APCDD1L: variants seen among roughly 807,000 people sequenced by gnomAD.
APCDD1L encodes the protein APC down-regulated 1 like.
Under a neutral mutation model 24.2 loss-of-function variants are expected in APCDD1L, and 21 were observed. That is an observed-to-expected ratio of 0.87 (90% CI 0.61 to 1.25). APCDD1L has a LOEUF of 1.25. APCDD1L is among the 50% of genes most tolerant of loss of function. APCDD1L has a pLI of 0.00. For synonymous variants in APCDD1L, 321 were observed against 323.6 expected, an observed-to-expected ratio of 0.99 and a Z score of 0.09; for missense variants, 704 against 711.7, an observed-to-expected ratio of 0.99 and a Z score of 0.12.
intron 2 of APCDD1L, 109 bp downstream of exon 2, chr20:58,470,500 T>C: frequency 7.1e-7 from 1 of 1,411,908 alleles, no homozygotes; most frequent in Non-Finnish European, 9.4e-7. Context: ...GTAGAAGGCC[T>C]CTTGGATAAC....
At chr20:58,479,042 G>A (rs1025226647) in intron 1 of APCDD1L, among the ~76,000 whole-genome samples, 1 of 152,082 alleles carries the variant, frequency 6.6e-6, no homozygotes, top group Admixed American at 6.5e-5. Context: ...CCAGGATCCT[G>A]ACATGGTCCT....
Position 58,508,216 on chromosome 20 carries a change from G to A in APCDD1L, c.49+6443C>T, listed in dbSNP as rs1047959404. Among the ~76,000 whole-genome samples, 2 of 152,228 alleles carry A rather than the reference G, an allele frequency of 1.3e-5. No homozygotes were observed. Among genetic ancestry groups the A allele is most frequent in the African/African-American group, 4.8e-5 (2 of 41,454 alleles). ...ATGCATGCATATGGAGGTTGTGGTGGGAAGGAATGCAGCTGATGGACAGGC... is the reference window on the plus strand; with the variant it reads ...ATGCATGCATATGGAGGTTGTGGTGAGAAGGAATGCAGCTGATGGACAGGC... On this transcript the variant is annotated intron_variant, in intron 1 of 3. Transcript: ENST00000371149. This position sits in a 1 kb window ranked among gnomAD's most constrained non-coding sequence, Gnocchi z 4.0.
At chr20:58,495,487 C>T (rs534509262) in intron 1 of APCDD1L, among the ~76,000 whole-genome samples, 1 of 152,306 alleles carries the variant, frequency 6.6e-6, no homozygotes, top group South Asian at 2.1e-4. Context: ...GAGCTGCCTC[C>T]TTGAGCCCCA....
rs556093438 is a variant in APCDD1L, at chr20:58,515,266, A to G, written c.-559T>C. ...AGCTACTCCTGGAAAAGTCGCGTCA[A>G]CTTGGATCCCAGCAAACCCAGAAGC... On this transcript the variant is annotated 5_prime_UTR_variant, in exon 1 of 4. Coordinates refer to ENST00000371149, the MANE Select transcript of APCDD1L (RefSeq NM_153360.3). 2.0e-4 allele frequency: 41 copies of G among 205,206 alleles called. No individual in the cohort carries two copies. The highest frequency in any genetic ancestry group is 9.5e-4 in the Admixed American group (16 of 16,754). 12.7% of individuals were successfully genotyped at this position (205,206 alleles called of 1,614,324 possible).
At chr20:58,466,592 G>A (rs942152464) in intron 3 of APCDD1L, among the ~76,000 whole-genome samples, 1 of 152,254 alleles carries the variant, frequency 6.6e-6, no homozygotes, top group Non-Finnish European at 1.5e-5. Context: ...TCGTCGGCCT[G>A]ACCCGTGCTA....
At chr20:58,495,718 C>T (rs1990308682) in intron 1 of APCDD1L, among the ~76,000 whole-genome samples, 1 of 152,158 alleles carries the variant, frequency 6.6e-6, no homozygotes, top group Admixed American at 6.5e-5. Flanking sequence ...GAGAGCCTCA[C>T]CGGGGGTCGC....
Position 58,514,795 on chromosome 20 carries a change from C to A in APCDD1L, c.-88G>T. 1 of 1,122,990 alleles carries A rather than the reference C, an allele frequency of 8.9e-7. No individual in the cohort carries two copies. Among genetic ancestry groups the A allele is most frequent in the Non-Finnish European group, 1.1e-6 (1 of 877,118 alleles). 69.6% of individuals were successfully genotyped at this position (1,122,990 alleles called of 1,614,324 possible). A position where few individuals can be genotyped will look rare whatever the true frequency, so the allele number is the denominator to read the frequency against. On this transcript the variant is annotated 5_prime_UTR_variant, in exon 1 of 4. Coordinates refer to ENST00000371149, the MANE Select transcript of APCDD1L (RefSeq NM_153360.3). ...CGCAGGGCTCTCGGACGGCTGCGGGCGCCGGCGGCCAGGCTGGAGTCCTGC... is the reference window on the plus strand; with the variant it reads ...CGCAGGGCTCTCGGACGGCTGCGGGAGCCGGCGGCCAGGCTGGAGTCCTGC...
Position 58,494,232 on chromosome 20 carries a change from A to G in APCDD1L, c.49+20427T>C, listed in dbSNP as rs112745812. On this transcript the variant is annotated intron_variant, in intron 1 of 3. Coordinates refer to ENST00000371149, the MANE Select transcript of APCDD1L (RefSeq NM_153360.3). The surrounding 1 kb of genome is among the most constrained non-coding windows in gnomAD (Gnocchi z 4.8). ...GGGATAAGTGGACCTGGGCAGGTGA[A>G]ACTCATGTGGTTTAAGGGTCAACTG... Among the ~76,000 whole-genome samples the G allele has an allele frequency of 2.0e-4, 31 of 152,200 alleles. 1 individual carries two copies. Among genetic ancestry groups the G allele is most frequent in the African/African-American group, 7.5e-4 (31 of 41,530 alleles).
intron 2 of APCDD1L, among the ~76,000 whole-genome samples, chr20:58,468,693 G>A (rs537436515): frequency 3.9e-5 from 6 of 152,078 alleles, no homozygotes; most frequent in East Asian, 3.9e-4. Context: ...TCAGTCTCCC[G>A]AGTAGCTGCA....
chr20:58,499,514 C>A (rs576879127), intron 1 of APCDD1L, among the ~76,000 whole-genome samples: 40 of 152,334 alleles, frequency 2.6e-4, no homozygotes, highest in Admixed American at 1.9e-3. Context: ...AATTTGGTCT[C>A]AAAAATACCG....
intron 1 of APCDD1L, among the ~76,000 whole-genome samples, chr20:58,488,551 G>A (rs1284345399): frequency 6.6e-6 from 1 of 152,134 alleles, no homozygotes; most frequent in African/African-American, 2.4e-5. Flanking sequence ...GAAATTAAAA[G>A]CCAGTAATAA....
chr20:58,491,490 C>A (rs1311175822), intron 1 of APCDD1L, among the ~76,000 whole-genome samples: 3 of 151,710 alleles, frequency 2.0e-5, no homozygotes, highest in Non-Finnish European at 1.5e-5. Context: ...ATATCATTTA[C>A]AACAGTAGTA....
intron 1 of APCDD1L, among the ~76,000 whole-genome samples, chr20:58,476,908 G>T (rs150667393): frequency 6.6e-6 from 1 of 152,094 alleles, no homozygotes; most frequent in African/African-American, 2.4e-5. Context: ...CGGAGATCTC[G>T]GCATAAATGG....
rs528923252 is a variant in APCDD1L at position 58,508,630 on chromosome 20, C to A, written c.49+6029G>T. Among the ~76,000 whole-genome samples, 481 of 152,206 alleles carry A rather than the reference C, an allele frequency of 3.2e-3. 3 individuals are homozygous for A. The highest frequency in any genetic ancestry group is 0.01 in the African/African-American group (432 of 41,518). ...GCTGAGGAGGGCCTCTGCGGCAGGG[C>A]CCTTCAGTGCAGCTGTGACTGGGGT... On this transcript the variant is annotated intron_variant, in intron 1 of 3. Transcript: ENST00000371149. This position sits in a 1 kb window ranked among gnomAD's most constrained non-coding sequence, Gnocchi z 4.0.
rs1320294968 is a variant in APCDD1L, at chr20:58,508,973, CGT to C, written c.49+5684_49+5685del. On this transcript the variant is annotated intron_variant, in intron 1 of 3. Coordinates refer to ENST00000371149, the MANE Select transcript of APCDD1L (RefSeq NM_153360.3). This position sits in a 1 kb window ranked among gnomAD's most constrained non-coding sequence, Gnocchi z 4.0. ...GTGTGCATGTGTGTCTGTGTGCGCACGTGTGTGTGCATGTGCATGCGTGTGTG... is the reference window on the plus strand; with the variant it reads ...GTGTGCATGTGTGTCTGTGTGCGCACGTGTGTGCATGTGCATGCGTGTGTG... Among the ~76,000 whole-genome samples, 4 of 145,000 alleles carry C rather than the reference CGT, an allele frequency of 2.8e-5. No homozygotes were observed. The highest frequency in any genetic ancestry group is 7.1e-5 in the Admixed American group (1 of 14,030).
At chr20:58,480,153 C>T (rs1454384020) in intron 1 of APCDD1L, among the ~76,000 whole-genome samples, 2 of 152,112 alleles carry the variant, frequency 1.3e-5, no homozygotes, top group East Asian at 3.9e-4. Flanking sequence ...GGCTGGCAGG[C>T]AAGTTGGGGA....
At position 58,461,150 on chromosome 20, in the gene APCDD1L, C is replaced by T. The variant is rs146009418; in HGVS notation, c.1146G>A (p.Ala382=). ...GCTCAGTGCCCATGGACCAGGCCCC[C>T]GCACCCCCACAGCTGCTTGGCTCAG... is the stretch of plus-strand genomic sequence containing the variant. ...NFSEPSSCGG[A]GAWSMGTERD... The change falls in exon 4 of 4, where the codon GCG becomes GCA. Residue 382 remains alanine (A), a synonymous_variant. Coordinates refer to ENST00000371149, the MANE Select transcript of APCDD1L (RefSeq NM_153360.3). This position sits in a 1 kb window ranked among gnomAD's most constrained non-coding sequence, Gnocchi z 6.0. The T allele has an allele frequency of 1.2e-5, 20 of 1,612,720 alleles. No individual in the cohort carries two copies. The highest frequency in any genetic ancestry group is 5.3e-5 in the African/African-American group (4 of 74,894).
At chr20:58,462,406 C>T (rs1179221072) in intron 3 of APCDD1L, among the ~76,000 whole-genome samples, 2 of 152,158 alleles carry the variant, frequency 1.3e-5, no homozygotes, top group Non-Finnish European at 2.9e-5. Flanking sequence ...CTCCCCCTCT[C>T]ATGTGCTCAT....
At chr20:58,491,984 A>G (rs1990232589) in intron 1 of APCDD1L, among the ~76,000 whole-genome samples, 1 of 152,224 alleles carries the variant, frequency 6.6e-6, no homozygotes, top group Non-Finnish European at 1.5e-5. Context: ...GCTGGTCAAG[A>G]AATAGAGCCA....
Sources: allele counts gnomAD v4.1 joint callset (sites outside exome capture counted in the v4.1 genomes callset), GRCh38; gene constraint gnomAD v4.1.1; non-coding constraint Gnocchi (gnomAD v3.1); transcripts MANE v1.5; gene names NCBI Gene and HGNC (gene_info 2026-07-23, HGNC 2026-07-21).